Variants in RASIP1 observed in about 807,000 individuals in gnomAD.
RASIP1 encodes the protein ras-interacting protein 1.
A neutral mutation model predicts 85.3 loss-of-function variants in RASIP1; 20 were observed. The ratio of observed to expected loss-of-function variants is 0.23; its 90% CI spans 0.17 to 0.34. The LOEUF is 0.34. Ranked by LOEUF, RASIP1 falls within the 10% of genes least tolerant of loss-of-function variation. RASIP1 has a pLI of 1.00. For synonymous variants in RASIP1, 617 were observed against 647.1 expected (o/e 0.95, Z 0.71); for missense variants, 1,170 against 1,390.9 (o/e 0.84, Z 2.53).
chr19:48,729,164 C>A lies in RASIP1; in HGVS notation c.1606G>T (p.Ala536Ser), dbSNP rs2033399440. The A allele has an allele frequency of 2.3e-6, 3 of 1,303,586 alleles. No individual in the cohort carries two copies. Among genetic ancestry groups the A allele is most frequent in the South Asian group, 1.9e-5 (1 of 53,674 alleles). 80.8% of individuals were successfully genotyped at this position (1,303,586 alleles called of 1,614,324 possible). A position where few individuals can be genotyped will look rare whatever the true frequency, so the allele number is the denominator to read the frequency against. The change falls in exon 5 of 12, where the codon GCC (alanine) becomes TCC (serine). Residue 536 changes from alanine to serine, a missense_variant. By Grantham distance (99) the Ala-to-Ser change is moderately conservative. This residue lies in a region of RASIP1 where 426 missense variants were observed against 576.2 expected (regional missense o/e 0.74). Coordinates refer to ENST00000222145, the MANE Select transcript of RASIP1 (RefSeq NM_017805.3). ...GLQERGEALAAYLDGREPVLR... is the reference protein window; with the variant it reads ...GLQERGEALASYLDGREPVLR... The stretch of plus-strand genomic sequence containing the variant: ...ACTGGCTCACGGCCGTCCAGGTAGG[C>A]GGCCAGTGCCTCGCCGCGCTCCTGC...
At chr19:48,733,792 T>C (rs1226765320) in intron 4 of RASIP1, among the ~76,000 whole-genome samples, 1 of 137,366 alleles carries the variant, frequency 7.3e-6, no homozygotes, top group African/African-American at 2.7e-5. Context: ...GGTGACAGAC[T>C]GAGAATCCAT....
Position 48,739,682 on chromosome 19 carries a change from G to T in RASIP1, c.138-37C>A. ...CCGGGGAACAGAGTCGCGGGAGAGA[G>T]ACCCAGGACGACACGCCAAGACGGG... is the stretch of plus-strand genomic sequence containing the variant. On this transcript the variant is annotated intron_variant, in intron 2 of 11. Coordinates refer to ENST00000222145, the MANE Select transcript of RASIP1 (RefSeq NM_017805.3). The surrounding 1 kb of genome is among the most constrained non-coding windows in gnomAD (Gnocchi z 9.2). 7.6e-7 allele frequency: 1 copy of T among 1,315,752 alleles called. No homozygotes were observed. Among genetic ancestry groups the T allele is most frequent in the Non-Finnish European group, 9.7e-7 (1 of 1,030,600 alleles). The allele number at this position is 1,315,752 out of a possible 1,614,324, so 81.5% of individuals were successfully genotyped here.
chr19:48,733,004 A>T (rs2033491727), intron 4 of RASIP1, among the ~76,000 whole-genome samples: 1 of 152,186 alleles, frequency 6.6e-6, no homozygotes, highest in African/African-American at 2.4e-5. Flanking sequence ...CCACACCATA[A>T]GGATAATTCA....
chr19:48,728,796 CA>C, intron 5 of RASIP1, 140 bp downstream of exon 5: 1 of 979,824 alleles, frequency 1.0e-6, no homozygotes, highest in Non-Finnish European at 1.3e-6. Context: ...AAACAAAACC[CA>C]AAACCCCAAA....
In RASIP1 at chr19:48,724,546, C is replaced by G. The variant is rs369148417; in HGVS notation, c.2372-37G>C. ...AAAGGTATGAGAGGCAGTTGGTTGG[C>G]TGGACTCTGTGCTCCTGCCTCCCAG... On this transcript the variant is annotated intron_variant, in intron 9 of 11. Coordinates refer to ENST00000222145, the MANE Select transcript of RASIP1 (RefSeq NM_017805.3). The surrounding 1 kb of genome is among the most constrained non-coding windows in gnomAD (Gnocchi z 4.6). 16 of 1,599,572 alleles carry G rather than the reference C, an allele frequency of 1.0e-5. No homozygotes were observed. The highest frequency in any genetic ancestry group is 1.3e-5 in the African/African-American group (1 of 74,698).
intron 4 of RASIP1, among the ~76,000 whole-genome samples, 199 bp downstream of exon 4, chr19:48,734,997 C>G (rs2033543109): frequency 6.6e-6 from 1 of 152,154 alleles, no homozygotes. Context: ...TTCCCTATTT[C>G]CTCCTCCATT....
chr19:48,735,299 C>T lies in RASIP1; in HGVS notation c.1076G>A (p.Gly359Glu). 2.5e-6 allele frequency: 4 copies of T among 1,614,002 alleles called. No individual in the cohort carries two copies. Among genetic ancestry groups the T allele is most frequent in the Non-Finnish European group, 3.4e-6 (4 of 1,179,988 alleles). The change falls in exon 4 of 12, where the codon GGA (glycine) becomes GAA (glutamate). Residue 359 changes from glycine to glutamate, a missense_variant. By Grantham distance (98) the Gly-to-Glu change is moderately conservative. Transcript: ENST00000222145. ...MAPGAADAQI[G>E]TADPGDFDQL... ...ATCGAAGTCCCCGGGGTCTGCAGTT[C>T]CGATTTGGGCGTCGGCTGCCCCTGG...
chr19:48,724,862 T>G lies in RASIP1; in HGVS notation c.2226A>C (p.Pro742=). 3 of 1,614,268 alleles carry G rather than the reference T, an allele frequency of 1.9e-6. No individual in the cohort carries two copies. Among genetic ancestry groups the G allele is most frequent in the Non-Finnish European group, 2.5e-6 (3 of 1,180,046 alleles). Residue 742 remains proline (P), a synonymous_variant, in exon 9 of 12, where the codon CCA becomes CCC. Transcript: ENST00000222145. This position sits in a 1 kb window ranked among gnomAD's most constrained non-coding sequence, Gnocchi z 4.6. ...ACACGCCCAGGGTAGGTCTCAATCCTGGAGGCATGGCCCCCAGCTCCGCGC... is the reference window on the plus strand; with the variant it reads ...ACACGCCCAGGGTAGGTCTCAATCCGGGAGGCATGGCCCCCAGCTCCGCGC... ...GPGAELGAMP[P]GLRPTLGVFQ... is the part of the protein sequence containing the mutation.
rs780688660 is a variant in RASIP1 at position 48,720,835 on chromosome 19, T to C, written c.2855A>G (p.Asn952Ser). Residue 952 changes from asparagine to serine, a missense_variant, in exon 12 of 12, where the codon AAT becomes AGT. This residue lies in a region of RASIP1 where 144 missense variants were observed against 125.5 expected (regional missense o/e 1.15). Coordinates refer to ENST00000222145, the MANE Select transcript of RASIP1 (RefSeq NM_017805.3). ...GGCCACGGGAGGCCCATGGCGATAA[T>C]TGGCTGGCAGCTCCTGCTGCTCAAG... ...WDLEQQELPA[N>S]YRHGPPVATS... 16 of 1,613,996 alleles carry C rather than the reference T, an allele frequency of 9.9e-6. No homozygotes were observed. Among genetic ancestry groups the C allele is most frequent in the East Asian group, 2.2e-5 (1 of 44,866 alleles).
chr19:48,724,886 G>A lies in RASIP1; in HGVS notation c.2202C>T (p.Gly734=), dbSNP rs764386217. The A allele has an allele frequency of 1.3e-5, 21 of 1,614,142 alleles. No individual in the cohort carries two copies. The highest frequency in any genetic ancestry group is 3.3e-4 in the Middle Eastern group (2 of 6,084). The change falls in exon 9 of 12, where the codon GGC becomes GGT. Residue 734 remains glycine, a synonymous_variant. Transcript: ENST00000222145. This position sits in a 1 kb window ranked among gnomAD's most constrained non-coding sequence, Gnocchi z 4.6. The part of the protein sequence containing the change: ...FTAGAELPGP[G]AELGAMPPGL... ...CTGGAGGCATGGCCCCCAGCTCCGC[G>A]CCAGGCCCCGGCAGCTCTGCACCAG...
rs1173597377 is a variant in RASIP1, at chr19:48,735,571, A to G, written c.824-20T>C. On this transcript the variant is annotated intron_variant, in intron 3 of 11. Transcript: ENST00000222145. ...CGGTGCCTGCGGAGAGATGGAGAAC[A>G]GTGAGGCTGAGCCTGGAAAGACAGG... 2 of 1,506,360 alleles carry G rather than the reference A, an allele frequency of 1.3e-6. No individual in the cohort carries two copies. Among genetic ancestry groups the G allele is most frequent in the Non-Finnish European group, 1.8e-6 (2 of 1,126,578 alleles). The allele number at this position is 1,506,360 out of a possible 1,614,324, so 93.3% of individuals were successfully genotyped here.
intron 3 of RASIP1, 70 bp from the exon 4 acceptor site, chr19:48,735,621 G>A (rs2033556254): frequency 7.2e-7 from 1 of 1,392,386 alleles, no homozygotes; most frequent in African/African-American, 1.5e-5. Context: ...TGCAGATTAT[G>A]AGACAAAGAA....
chr19:48,721,959 G>A lies in RASIP1; in HGVS notation c.2587C>T (p.Pro863Ser), dbSNP rs375271966. Residue 863 changes from proline to serine, a missense_variant, in exon 11 of 12, where the codon CCC becomes TCC. Pro to Ser is a moderately conservative substitution (Grantham distance 74). Coordinates refer to ENST00000222145, the MANE Select transcript of RASIP1 (RefSeq NM_017805.3). ...CTGAGCAGATGGTGCAGCTGGGCGG[G>A]GGTCAAGGTGGGGTGGTCGGTTCTT... ...SLRTDHPTLT[P>S]AQLHHLLSHY... The A allele has an allele frequency of 6.5e-7, 1 of 1,539,296 alleles. No individual in the cohort carries two copies. Among genetic ancestry groups the A allele is most frequent in the African/African-American group, 1.4e-5 (1 of 71,778 alleles).
In RASIP1 at chr19:48,740,375, G is replaced by T; in HGVS notation, c.-4-89C>A. The T allele has an allele frequency of 6.8e-7, 1 of 1,481,050 alleles. No individual in the cohort carries two copies. The highest frequency in any genetic ancestry group is 9.0e-7 in the Non-Finnish European group (1 of 1,108,698). 91.7% of individuals were successfully genotyped at this position (1,481,050 alleles called of 1,614,324 possible). A position where few individuals can be genotyped will look rare whatever the true frequency, so the allele number is the denominator to read the frequency against. On this transcript the variant is annotated intron_variant, in intron 1 of 11. Coordinates refer to ENST00000222145, the MANE Select transcript of RASIP1 (RefSeq NM_017805.3). This position sits in a 1 kb window ranked among gnomAD's most constrained non-coding sequence, Gnocchi z 5.5. The stretch of plus-strand genomic sequence containing the variant: ...CCTGGACTCCGAGTCAGAGGGAGGA[G>T]GGGGCTGGGGCTCAGACTTGCGAGT...
intron 4 of RASIP1, among the ~76,000 whole-genome samples, chr19:48,729,932 C>A (rs950744867): frequency 4.0e-5 from 6 of 151,888 alleles, no homozygotes; most frequent in Admixed American, 2.0e-4. Flanking sequence ...CCAGGCTGGT[C>A]TTAAACTCCT....
At position 48,720,739 on chromosome 19, in the gene RASIP1, C is replaced by T; in HGVS notation, c.*59G>A. On this transcript the variant is annotated 3_prime_UTR_variant, in exon 12 of 12. Transcript: ENST00000222145. ...CCAGAAAGCTTTGCGCTCAGGCGGG[C>T]TCCTGTCCGTAGAAGCCCGTGACAT... The T allele has an allele frequency of 7.0e-6, 11 of 1,560,396 alleles. No individual in the cohort carries two copies. The highest frequency in any genetic ancestry group is 9.7e-6 in the Non-Finnish European group (11 of 1,133,206).
chr19:48,736,214 G>A (rs139794754), intron 3 of RASIP1, among the ~76,000 whole-genome samples: 1,747 of 151,402 alleles, frequency 0.012, 39 homozygotes, highest in African/African-American at 0.041. Flanking sequence ...AGGAGATCGA[G>A]ACCATCTTGG....
intron 8 of RASIP1, among the ~76,000 whole-genome samples, chr19:48,726,253 G>A (rs141103560): frequency 8.6e-5 from 13 of 151,210 alleles, no homozygotes; most frequent in East Asian, 5.9e-4. Context: ...ACAGAGTCTC[G>A]CTCCATCTCC....
chr19:48,738,886 CGCCCAGGCCCCG>C lies in RASIP1; in HGVS notation c.823+62_823+73del. 1.8e-6 allele frequency: 2 copies of C among 1,128,484 alleles called. No individual in the cohort carries two copies. Among genetic ancestry groups the C allele is most frequent in the Non-Finnish European group, 2.2e-6 (2 of 911,570 alleles). 69.9% of individuals were successfully genotyped at this position (1,128,484 alleles called of 1,614,324 possible). On this transcript the variant is annotated intron_variant, in intron 3 of 11. Transcript: ENST00000222145. This position sits in a 1 kb window ranked among gnomAD's most constrained non-coding sequence, Gnocchi z 4.0. ...GCCAGCCCGCGAGTCCCACAAGCCC[CGCCCAGGCCCCG>C]CCCCACGGACCCCGCCTCTCTGGCA...
Sources: allele counts gnomAD v4.1 joint callset (sites outside exome capture counted in the v4.1 genomes callset), GRCh38; gene constraint gnomAD v4.1.1; regional missense constraint gnomAD v4.1.1; non-coding constraint Gnocchi (gnomAD v3.1); transcripts MANE v1.5; gene names NCBI Gene and HGNC (gene_info 2026-07-23, HGNC 2026-07-21).